USP25: variants seen among roughly 807,000 people sequenced by gnomAD.
The protein encoded by USP25 is ubiquitin carboxyl-terminal hydrolase 25.
A neutral mutation model predicts 158.5 loss-of-function variants in USP25; 85 were observed. That is an observed-to-expected ratio of 0.54 (90% CI 0.45 to 0.64). The LOEUF (loss-of-function observed/expected upper bound fraction) is 0.64, where lower values mean the gene tolerates loss of function less well. Among genes scored for constraint, USP25 ranks in the 30% least tolerant of loss-of-function variants. The pLI, the probability that USP25 is intolerant of heterozygous loss-of-function variation, is 0.00. For synonymous variants in USP25, 464 were observed against 460.4 expected, an observed-to-expected ratio of 1.01 and a Z score of -0.10; for missense variants, 1,242 against 1,327.3, an observed-to-expected ratio of 0.94 and a Z score of 1.00.
intron 5 of USP25, chr21:15,799,392 T>G (rs1311440976): frequency 6.4e-6 from 1 of 155,390 alleles, no homozygotes; most frequent in East Asian, 1.9e-4. Context: ...TTTTCTAGTA[T>G]TAATGATACA....
intron 24 of USP25, 25 bp from the exon 25 acceptor site, chr21:15,877,769 CTT>C (rs752412491): frequency 1.2e-5 from 16 of 1,334,892 alleles, no homozygotes; most frequent in Admixed American, 7.4e-5. Context: ...AAAACCTATT[CTT>C]TTTTTTTTCC....
At chr21:15,759,217 C>T (rs569603517) in intron 1 of USP25, among the ~76,000 whole-genome samples, 3 of 152,176 alleles carry the variant, frequency 2.0e-5, no homozygotes, top group Non-Finnish European at 2.9e-5. Flanking sequence ...GCCTTTAATT[C>T]GTAATGTTGG....
chr21:15,846,694 G>A (rs893025979), intron 18 of USP25, among the ~76,000 whole-genome samples: 27 of 152,168 alleles, frequency 1.8e-4, no homozygotes, highest in Non-Finnish European at 3.4e-4. Flanking sequence ...GAAAACTTAT[G>A]CAATTCAGTT....
chr21:15,824,752 G>C (rs1015570604), intron 11 of USP25, among the ~76,000 whole-genome samples: 1 of 152,160 alleles, frequency 6.6e-6, no homozygotes, highest in South Asian at 2.1e-4. Context: ...GAGTAGCTGG[G>C]ATTACAGACA....
At chr21:15,788,398 T>C (rs2123590079) in intron 4 of USP25, among the ~76,000 whole-genome samples, 1 of 152,228 alleles carries the variant, frequency 6.6e-6, no homozygotes. Flanking sequence ...AATCAGTCAG[T>C]CAATCAATAA....
At chr21:15,789,433 T>C (rs2035470716) in intron 4 of USP25, among the ~76,000 whole-genome samples, 1 of 152,112 alleles carries the variant, frequency 6.6e-6, no homozygotes, top group Non-Finnish European at 1.5e-5. Context: ...TGTGATCTGC[T>C]CTGTTGACAT....
chr21:15,785,881 A>G (rs1277079664), intron 4 of USP25, among the ~76,000 whole-genome samples: 1 of 150,708 alleles, frequency 6.6e-6, no homozygotes, highest in African/African-American at 2.4e-5. Flanking sequence ...GAGAAGATAA[A>G]CAGAATCAAC....
intron 11 of USP25, among the ~76,000 whole-genome samples, chr21:15,824,728 TG>T (rs2037410806): frequency 6.6e-6 from 1 of 152,198 alleles, no homozygotes; most frequent in South Asian, 2.1e-4. Flanking sequence ...ATGATTCTCC[TG>T]TCTCAGCTTC....
chr21:15,813,172 G>A (rs991744249), intron 9 of USP25, among the ~76,000 whole-genome samples: 6 of 152,114 alleles, frequency 3.9e-5, no homozygotes, highest in African/African-American at 1.2e-4. Context: ...CTGAGCTTCC[G>A]TGCTCCCAAT....
chr21:15,732,329 G>A (rs1400901648), intron 1 of USP25, among the ~76,000 whole-genome samples: 1 of 152,118 alleles, frequency 6.6e-6, no homozygotes, highest in Non-Finnish European at 1.5e-5. Flanking sequence ...ACACTTAAAT[G>A]TGTTTGCTTT....
At position 15,875,641 on chromosome 21, in the gene USP25, G is replaced by C. The variant is rs2040069510; in HGVS notation, c.3009+1115G>C. 6.6e-6 allele frequency among the ~76,000 whole-genome samples: 1 copy of C among 152,160 alleles called. No individual in the cohort carries two copies. Among genetic ancestry groups the C allele is most frequent in the East Asian group, 1.9e-4 (1 of 5,202 alleles). ...ACAAGGTAAACCTCGTCTGGATCTT[G>C]ATGGATAAATAGAAGTTTTATTCAT... On this transcript the variant is annotated intron_variant, in intron 24 of 25. Transcript: ENST00000400183. This position sits in a 1 kb window ranked among gnomAD's most constrained non-coding sequence, Gnocchi z 4.7.
rs553031578 is a variant in USP25, at chr21:15,740,441, C to A, written c.45+10003C>A. 3.3e-5 allele frequency among the ~76,000 whole-genome samples: 5 copies of A among 152,188 alleles called. No homozygotes were observed. In the South Asian group the frequency reaches 1.0e-3, roughly 32 times the overall value. On this transcript the variant is annotated intron_variant, in intron 1 of 25. Coordinates refer to ENST00000400183, the MANE Select transcript of USP25 (RefSeq NM_001283041.3). ...GTGTTTCTCTCCATCAGTGCAGCAA[C>A]ATGTTTCCTTGTAGAGGAGCTGTCT...
rs570904008 is a variant in USP25 at position 15,866,169 on chromosome 21, C to G, written c.2727-97C>G. 1,342 of 656,790 alleles carry G rather than the reference C, an allele frequency of 2.0e-3. 6 individuals are homozygous for G. The highest frequency in any genetic ancestry group is 2.8e-3 in the Non-Finnish European group (1,281 of 459,888). 40.7% of individuals were successfully genotyped at this position (656,790 alleles called of 1,614,324 possible). A position where few individuals can be genotyped will look rare whatever the true frequency, so the allele number is the denominator to read the frequency against. ...CTATACAAAAGTACTGCTGTTTTTG[C>G]TCAGTGTTTATGGATTTTGCTTTTG... On this transcript the variant is annotated intron_variant, in intron 21 of 25. Coordinates refer to ENST00000400183, the MANE Select transcript of USP25 (RefSeq NM_001283041.3).
At chr21:15,842,660 G>A (rs2038396176) in intron 18 of USP25, 120 bp downstream of exon 18, 1 of 1,273,156 alleles carries the variant, frequency 7.9e-7, no homozygotes, top group Non-Finnish European at 1.1e-6. Context: ...GCTCTGCCAT[G>A]GGCATGATCA....
At chr21:15,745,592 CAG>C (rs956758336) in intron 1 of USP25, among the ~76,000 whole-genome samples, 1 of 150,854 alleles carries the variant, frequency 6.6e-6, no homozygotes, top group Non-Finnish European at 1.5e-5. Flanking sequence ...TCTTCTGCCT[CAG>C]CCTCCTGAGT....
chr21:15,864,010 C>G (rs2039544199), intron 20 of USP25, among the ~76,000 whole-genome samples: 1 of 147,956 alleles, frequency 6.8e-6, no homozygotes, highest in African/African-American at 2.5e-5. Context: ...GCAATCCATC[C>G]TGGGGGAGAG....
intron 20 of USP25, among the ~76,000 whole-genome samples, chr21:15,855,392 G>A (rs916653060): frequency 6.6e-6 from 1 of 151,950 alleles, no homozygotes; most frequent in Non-Finnish European, 1.5e-5. Context: ...ATGTTGAAAA[G>A]TACAACTCGG....
At chr21:15,784,101 C>T (rs1007015030) in intron 4 of USP25, among the ~76,000 whole-genome samples, 1 of 152,160 alleles carries the variant, frequency 6.6e-6, no homozygotes, top group Non-Finnish European at 1.5e-5. Flanking sequence ...ATGATTAATA[C>T]CATGAAAATA....
chr21:15,794,517 C>T (rs550027631), intron 5 of USP25, among the ~76,000 whole-genome samples: 3 of 151,310 alleles, frequency 2.0e-5, no homozygotes, highest in African/African-American at 7.2e-5. Flanking sequence ...GTATGTTCTT[C>T]TCTGTAGCTC....
Sources: allele counts gnomAD v4.1 joint callset (sites outside exome capture counted in the v4.1 genomes callset), GRCh38; gene constraint gnomAD v4.1.1; non-coding constraint Gnocchi (gnomAD v3.1); transcripts MANE v1.5; gene names NCBI Gene and HGNC (gene_info 2026-07-23, HGNC 2026-07-21).